GKAP1: variants seen among roughly 807,000 people sequenced by gnomAD.
The protein encoded by GKAP1 is G kinase anchoring protein 1.
In GKAP1, 31 loss-of-function variants were observed where a neutral mutation model predicts 56.7. The observed-to-expected ratio is 0.55, with a 90% CI of 0.41 to 0.74. GKAP1 has a LOEUF of 0.74. Among genes scored for constraint, GKAP1 ranks in the 30% least tolerant of loss-of-function variants. The pLI is 0.00. For synonymous variants in GKAP1, 151 were observed against 138.6 expected (o/e 1.09, Z -0.63); for missense variants, 364 against 402.3 (o/e 0.90, Z 0.82).
intron 4 of GKAP1, among the ~76,000 whole-genome samples, chr9:83,792,666 C>T (rs1320278139): frequency 1.3e-5 from 2 of 152,134 alleles, no homozygotes; most frequent in African/African-American, 2.4e-5. Flanking sequence ...CTAAACATAT[C>T]TTTATTCTCT....
rs1400888082 is a variant in GKAP1, at chr9:83,742,614, A to G, written c.905-14T>C. On this transcript the variant is annotated splice_polypyrimidine_tract_variant and intron_variant, in intron 10 of 12. Transcript: ENST00000376371. ...CCTTATCTTTCACTGACAAAAAAGGAAAAACAGCAGTATAGATTTTCCAGT... is the reference window on the plus strand; with the variant it reads ...CCTTATCTTTCACTGACAAAAAAGGGAAAACAGCAGTATAGATTTTCCAGT... 6.3e-7 allele frequency: 1 copy of G among 1,590,350 alleles called. No homozygotes were observed. The highest frequency in any genetic ancestry group is 8.6e-7 in the Non-Finnish European group (1 of 1,160,860).
chr9:83,798,762 C>T (rs758217926), intron 4 of GKAP1, among the ~76,000 whole-genome samples: 3 of 152,016 alleles, frequency 2.0e-5, no homozygotes, highest in Non-Finnish European at 4.4e-5. Flanking sequence ...GCCATCCACC[C>T]GCCTCAGACT....
chr9:83,768,912 T>A lies in GKAP1; in HGVS notation c.644A>T (p.Asp215Val). ...TCTAATAAGAATTTTATGAACATCA[T>A]CTTCCAGTCTATTGAAGAATCCTCC... is the stretch of plus-strand genomic sequence containing the variant. The part of the protein sequence containing the change: ...HDGGFFNRLE[D>V]DVHKILIREK... The change falls in exon 8 of 13, where the codon GAT becomes GTT. Residue 215 changes from aspartate to valine, a missense_variant. Transcript: ENST00000376371. The A allele has an allele frequency of 6.2e-7, 1 of 1,611,166 alleles. No individual in the cohort carries two copies. Among genetic ancestry groups the A allele is most frequent in the Non-Finnish European group, 8.5e-7 (1 of 1,178,324 alleles).
At position 83,811,004 on chromosome 9, in the gene GKAP1, A is replaced by G. The variant is rs191358385; in HGVS notation, c.-43-4444T>C. Among the ~76,000 whole-genome samples, 158 of 152,372 alleles carry G rather than the reference A, an allele frequency of 1.0e-3. 1 individual carries two copies. In the East Asian group the frequency reaches 0.029, roughly 27 times the overall value. On this transcript the variant is annotated intron_variant, in intron 2 of 12. Transcript: ENST00000376371. ...CTGTAACACAATGGTAAGTATTTGTATATCTAAAGAAAAGGTACAATAAAA... is the reference window on the plus strand; with the variant it reads ...CTGTAACACAATGGTAAGTATTTGTGTATCTAAAGAAAAGGTACAATAAAA...
intron 2 of GKAP1, among the ~76,000 whole-genome samples, chr9:83,812,341 ACACG>A (rs1944522221): frequency 1.3e-5 from 2 of 148,332 alleles, no homozygotes; most frequent in Non-Finnish European, 3.0e-5. Context: ...GTATATATAT[ACACG>A]TATATATATA....
At chr9:83,761,451 G>T (rs965664735) in intron 8 of GKAP1, among the ~76,000 whole-genome samples, 1 of 152,012 alleles carries the variant, frequency 6.6e-6, no homozygotes, top group South Asian at 2.1e-4. Flanking sequence ...GAAAAGCCCA[G>T]GATCCAATGG....
intron 10 of GKAP1, among the ~76,000 whole-genome samples, chr9:83,746,576 G>A (rs550140709): frequency 5.3e-5 from 8 of 152,170 alleles, no homozygotes; most frequent in Non-Finnish European, 8.8e-5. Flanking sequence ...GGTAGCAGGC[G>A]CCTGTAGTCC....
At chr9:83,775,427 T>C (rs1400658315) in intron 7 of GKAP1, among the ~76,000 whole-genome samples, 1 of 152,120 alleles carries the variant, frequency 6.6e-6, no homozygotes, top group Non-Finnish European at 1.5e-5. Context: ...ATCATAAAAA[T>C]AACCTCATAT....
At chr9:83,793,460 C>CA (rs1169693981) in intron 4 of GKAP1, among the ~76,000 whole-genome samples, 1 of 152,158 alleles carries the variant, frequency 6.6e-6, no homozygotes, top group Non-Finnish European at 1.5e-5. Context: ...TAAAGGTTGT[C>CA]AGAGTTCTAC....
intron 9 of GKAP1, among the ~76,000 whole-genome samples, chr9:83,751,433 A>G (rs1196708346): frequency 1.3e-5 from 2 of 152,200 alleles, no homozygotes; most frequent in Non-Finnish European, 2.9e-5. Context: ...CCATTAATCT[A>G]CAAGCTTCTT....
intron 10 of GKAP1, among the ~76,000 whole-genome samples, chr9:83,745,054 T>G (rs1286419947): frequency 6.6e-6 from 1 of 152,116 alleles, no homozygotes; most frequent in Admixed American, 6.5e-5. Context: ...AGCCAAACCA[T>G]ATCAACAGGG....
At chr9:83,743,724 A>T (rs1013605161) in intron 10 of GKAP1, among the ~76,000 whole-genome samples, 1 of 152,174 alleles carries the variant, frequency 6.6e-6, no homozygotes, top group African/African-American at 2.4e-5. Flanking sequence ...ATGTCAACTA[A>T]ATGTAGCTCA....
chr9:83,770,101 A>G (rs1943731887), intron 7 of GKAP1, among the ~76,000 whole-genome samples: 1 of 152,064 alleles, frequency 6.6e-6, no homozygotes, highest in African/African-American at 2.4e-5. Context: ...CTAAATGTCT[A>G]TATCTTATTG....
In GKAP1 at chr9:83,788,608, T is replaced by C. The variant is rs745913937; in HGVS notation, c.431A>G (p.His144Arg). 4 of 1,564,732 alleles carry C rather than the reference T, an allele frequency of 2.6e-6. No homozygotes were observed. The highest frequency in any genetic ancestry group is 2.6e-6 in the Non-Finnish European group (3 of 1,141,852). Residue 144 changes from histidine (H) to arginine (R), a missense_variant, in exon 5 of 13, where the codon CAC (histidine) becomes CGC (arginine). Transcript: ENST00000376371. ...LLLSKLEYEE[H>R]KKEYEDAENT... ...CAGTAAGTATGTAAATACCTTTTTG[T>C]GCTCTTCATATTCTAGTTTACTTAG...
Position 83,770,775 on chromosome 9 carries a change from G to A in GKAP1, c.586-1805C>T, listed in dbSNP as rs577690515. ...GGGTTTCACCATGTTGGCCAGGCTC[G>A]TCTCGAACTCCTGACCTCAGGTGAT... On this transcript the variant is annotated intron_variant, in intron 7 of 12. Transcript: ENST00000376371. 5.3e-5 allele frequency among the ~76,000 whole-genome samples: 8 copies of A among 152,138 alleles called. No homozygotes were observed. The South Asian group carries it at 1.5e-3, about 28-fold the overall frequency.
chr9:83,782,872 T>A lies in GKAP1; in HGVS notation c.562+1843A>T, dbSNP rs138127458. 6.1e-3 allele frequency among the ~76,000 whole-genome samples: 933 copies of A among 152,178 alleles called. 11 individuals are homozygous for A. The highest frequency in any genetic ancestry group is 0.021 in the African/African-American group (885 of 41,496). ...TTAGTAGAGACAGGGTTTCACCATG[T>A]TGGCCAGGCTGGGCTCGAACTCCTG... On this transcript the variant is annotated intron_variant, in intron 6 of 12. Transcript: ENST00000376371.
At position 83,768,811 on chromosome 9, in the gene GKAP1, T is replaced by C; in HGVS notation, c.738+7A>G. 1.2e-6 allele frequency: 2 copies of C among 1,605,548 alleles called. No homozygotes were observed. Among genetic ancestry groups the C allele is most frequent in the Non-Finnish European group, 1.7e-6 (2 of 1,177,738 alleles). On this transcript the variant is annotated splice_region_variant and intron_variant, in intron 8 of 12. Transcript: ENST00000376371. ...GTGATTTTAAGAGAATTTTCTACTT[T>C]ACATGCCTGGTTGTGTTCATGAGCT...
chr9:83,749,678 A>C (rs897984468), intron 9 of GKAP1, among the ~76,000 whole-genome samples: 1 of 152,232 alleles, frequency 6.6e-6, no homozygotes, highest in Non-Finnish European at 1.5e-5. Context: ...TATAGAAGTT[A>C]CCAGATTCAA....
chr9:83,757,485 A>G (rs1160323540), intron 8 of GKAP1, among the ~76,000 whole-genome samples: 1 of 152,222 alleles, frequency 6.6e-6, no homozygotes, highest in African/African-American at 2.4e-5. Context: ...GTAGCAATCT[A>G]CTAAACTGAT....
Sources: allele counts gnomAD v4.1 joint callset (sites outside exome capture counted in the v4.1 genomes callset), GRCh38; gene constraint gnomAD v4.1.1; transcripts MANE v1.5; gene names NCBI Gene and HGNC (gene_info 2026-07-23, HGNC 2026-07-21).